Variants in CDIN1 observed in about 807,000 individuals in gnomAD.
CDIN1 encodes the protein CDAN1 interacting nuclease 1.
In CDIN1, 33 loss-of-function variants were observed where a neutral mutation model predicts 45.3. The observed-to-expected ratio is 0.73, with a 90% CI of 0.55 to 0.97. The LOEUF (loss-of-function observed/expected upper bound fraction) is 0.97. CDIN1 is among the 50% of genes least tolerant of loss of function. The pLI, the probability that CDIN1 is intolerant of heterozygous loss-of-function variation, is 0.00. For missense variants in CDIN1, 303 were observed against 339.4 expected, an observed-to-expected ratio of 0.89 and a Z score of 0.84; for synonymous variants, 118 against 124.4, an observed-to-expected ratio of 0.95 and a Z score of 0.34.
intron 6 of CDIN1, 90 bp downstream of exon 6, chr15:36,691,854 C>T (rs2042263614): frequency 9.7e-7 from 1 of 1,036,008 alleles, no homozygotes; most frequent in Non-Finnish European, 1.5e-6. Flanking sequence ...TTACTGTCAT[C>T]ATAAACTATC....
rs11433757 is a variant in CDIN1, at chr15:36,647,023, C to CTTTT, written c.212+1751_212+1754dup. Among the ~76,000 whole-genome samples the CTTTT allele has an allele frequency of 5.6e-4, 68 of 122,278 alleles. 1 individual carries two copies. Among genetic ancestry groups the CTTTT allele is most frequent in the East Asian group, 1.4e-3 (6 of 4,302 alleles). The allele number at this position is 122,278 out of a possible 152,430, so 80.2% of individuals were successfully genotyped here. A position where few individuals can be genotyped will look rare whatever the true frequency, so the allele number is the denominator to read the frequency against. ...GTATAGGCCATAAATAAATAAATAT[C>CTTTT]TTTTTTTTTTTTTTTTTTGAGACAG... On this transcript the variant is annotated intron_variant, in intron 3 of 10. Coordinates refer to ENST00000566621, the MANE Select transcript of CDIN1 (RefSeq NM_001321759.2).
chr15:36,663,564 C>G (rs1425025917), intron 5 of CDIN1, among the ~76,000 whole-genome samples: 1 of 152,094 alleles, frequency 6.6e-6, no homozygotes, highest in Non-Finnish European at 1.5e-5. Context: ...ACGGGCTCTT[C>G]CTTTTTGCTC....
At chr15:36,721,425 T>C (rs986733608) in intron 10 of CDIN1, among the ~76,000 whole-genome samples, 2 of 152,210 alleles carry the variant, frequency 1.3e-5, no homozygotes, top group African/African-American at 4.8e-5. Flanking sequence ...TGATTTCTTC[T>C]TTGACCCACA....
chr15:36,650,380 T>C (rs2040521283), intron 3 of CDIN1, among the ~76,000 whole-genome samples: 1 of 152,112 alleles, frequency 6.6e-6, no homozygotes, highest in Non-Finnish European at 1.5e-5. Flanking sequence ...ATTTCTTCAA[T>C]AATTCAAAAG....
intron 3 of CDIN1, among the ~76,000 whole-genome samples, chr15:36,646,354 T>C (rs2140415420): frequency 6.6e-6 from 1 of 152,278 alleles, no homozygotes; most frequent in African/African-American, 2.4e-5. Flanking sequence ...CTATATGTGG[T>C]AAAAGATATG....
At chr15:36,628,496 T>A (rs12438929) in intron 1 of CDIN1, among the ~76,000 whole-genome samples, 18,319 of 152,222 alleles carry the variant, frequency 0.12, 1,099 homozygotes, top group Middle Eastern at 0.17. Flanking sequence ...AATTTGTGTG[T>A]AGGGCTTTGT....
intron 1 of CDIN1, chr15:36,617,542 A>T: frequency 1.2e-6 from 1 of 819,626 alleles, no homozygotes; most frequent in Non-Finnish European, 2.2e-6. Context: ...TGATCAGTTC[A>T]TCCCAATTTG....
intron 10 of CDIN1, among the ~76,000 whole-genome samples, chr15:36,764,671 T>C (rs1418635043): frequency 6.6e-6 from 1 of 152,222 alleles, no homozygotes; most frequent in African/African-American, 2.4e-5. Flanking sequence ...TCCCCTAATA[T>C]CTGTTCTCCC....
intron 8 of CDIN1, among the ~76,000 whole-genome samples, chr15:36,703,008 CTGG>C (rs1469594428): frequency 6.7e-6 from 1 of 148,734 alleles, no homozygotes; most frequent in Non-Finnish European, 1.5e-5. Context: ...TGAGACCAGA[CTGG>C]GCAACATAGC....
At chr15:36,645,195 T>G in intron 2 of CDIN1, 28 bp from the exon 3 acceptor site, 1 of 1,521,400 alleles carries the variant, frequency 6.6e-7, no homozygotes, top group Non-Finnish European at 8.9e-7. Context: ...TCAAAGATTT[T>G]TTTGTGTTGT....
rs909542408 is a variant in CDIN1, at chr15:36,809,192, C to G, written c.*739C>G. 1 of 285,490 alleles carries G rather than the reference C, an allele frequency of 3.5e-6. No individual in the cohort carries two copies. Among genetic ancestry groups the G allele is most frequent in the African/African-American group, 2.2e-5 (1 of 44,624 alleles). 17.7% of individuals were successfully genotyped at this position (285,490 alleles called of 1,614,324 possible). ...ATTTGAAAGTATTAGTTCCATTGTG[C>G]CTGGAAACCACACTCCTTTAGATTG... On this transcript the variant is annotated 3_prime_UTR_variant, in exon 11 of 11. Coordinates refer to ENST00000566621, the MANE Select transcript of CDIN1 (RefSeq NM_001321759.2).
At chr15:36,589,658 A>G (rs1348013677) in intron 1 of CDIN1, among the ~76,000 whole-genome samples, 1 of 151,954 alleles carries the variant, frequency 6.6e-6, no homozygotes, top group African/African-American at 2.4e-5. Flanking sequence ...GGCGCCCGCC[A>G]CCACGCCCGG....
intron 2 of CDIN1, 85 bp from the exon 3 acceptor site, chr15:36,645,138 G>A: frequency 9.1e-7 from 1 of 1,102,648 alleles, no homozygotes; most frequent in Non-Finnish European, 1.3e-6. Flanking sequence ...TAGTCACTGG[G>A]CTCAAGAAAT....
chr15:36,783,111 C>T (rs1203446344), intron 10 of CDIN1, among the ~76,000 whole-genome samples: 1 of 152,176 alleles, frequency 6.6e-6, no homozygotes, highest in Non-Finnish European at 1.5e-5. Flanking sequence ...TCAGCAGCTG[C>T]ATACAGTTTT....
At chr15:36,730,746 A>G (rs1303268357) in intron 10 of CDIN1, among the ~76,000 whole-genome samples, 1 of 152,134 alleles carries the variant, frequency 6.6e-6, no homozygotes, top group Admixed American at 6.5e-5. Context: ...GATTGTTTCA[A>G]AACTAAACTT....
intron 10 of CDIN1, among the ~76,000 whole-genome samples, chr15:36,766,321 G>A (rs907061566): frequency 6.6e-6 from 1 of 152,036 alleles, no homozygotes; most frequent in Non-Finnish European, 1.5e-5. Context: ...AGACCTTTAG[G>A]TTGTTTCCAT....
At chr15:36,640,317 C>CT (rs1374577479) in intron 1 of CDIN1, among the ~76,000 whole-genome samples, 1 of 152,080 alleles carries the variant, frequency 6.6e-6, no homozygotes, top group East Asian at 1.9e-4. Flanking sequence ...GACCAGCACT[C>CT]TGAATCATTA....
At chr15:36,618,530 AT>A in intron 1 of CDIN1, 1 of 1,203,878 alleles carries the variant, frequency 8.3e-7, no homozygotes, top group Non-Finnish European at 1.2e-6. Context: ...CTAGCCTCAA[AT>A]TTTCCACCTT....
intron 1 of CDIN1, among the ~76,000 whole-genome samples, chr15:36,611,885 T>G (rs1006101328): frequency 2.0e-5 from 3 of 152,194 alleles, no homozygotes; most frequent in Admixed American, 6.5e-5. Flanking sequence ...AGGAATAACA[T>G]ATAGTAGGAA....
Sources: gnomAD v4.1 joint callset for allele counts (sites outside exome capture counted in the v4.1 genomes callset) on GRCh38, gnomAD v4.1.1 for gene constraint, MANE v1.5 for transcripts, NCBI Gene and HGNC (gene_info 2026-07-23, HGNC 2026-07-21) for gene names.